Variants in ME1 observed in about 807,000 individuals in gnomAD.
ME1 encodes the protein malic enzyme 1, also known as NADP-dependent malic enzyme.
In ME1, 74 loss-of-function variants were observed where a neutral mutation model predicts 66.4. The ratio of observed to expected loss-of-function variants is 1.11; its 90% CI spans 0.92 to 1.35. The LOEUF (loss-of-function observed/expected upper bound fraction) is 1.35, where lower values mean the gene tolerates loss of function less well. Ranked by LOEUF, ME1 falls within the 40% of genes most tolerant of loss-of-function variation. The pLI, the probability that ME1 is intolerant of heterozygous loss-of-function variation, is 0.00. For missense variants in ME1, 750 were observed against 694.1 expected, an observed-to-expected ratio of 1.08 and a Z score of -0.90; for synonymous variants, 251 against 235.6, an observed-to-expected ratio of 1.07 and a Z score of -0.60.
intron 2 of ME1, among the ~76,000 whole-genome samples, chr6:83,404,932 A>G (rs1769910418): frequency 6.6e-6 from 1 of 152,210 alleles, no homozygotes; most frequent in Admixed American, 6.5e-5. Flanking sequence ...GTTTGAAGTC[A>G]GGTAGCATGA....
intron 6 of ME1, among the ~76,000 whole-genome samples, chr6:83,312,338 C>T (rs574809137): frequency 8.7e-4 from 132 of 152,318 alleles, no homozygotes; most frequent in African/African-American, 3.1e-3. Context: ...AATAGGTCCA[C>T]TGTCACCACA....
At chr6:83,272,840 T>G (rs1767109981) in intron 6 of ME1, among the ~76,000 whole-genome samples, 2 of 152,176 alleles carry the variant, frequency 1.3e-5, no homozygotes, top group South Asian at 2.1e-4. Flanking sequence ...AATCTTTACA[T>G]GTAAACTAAT....
chr6:83,409,599 G>A (rs1330482734), intron 1 of ME1, among the ~76,000 whole-genome samples: 1 of 152,176 alleles, frequency 6.6e-6, no homozygotes, highest in African/African-American at 2.4e-5. Context: ...CTGATGGAAA[G>A]GTTTGTGTTT....
At chr6:83,270,902 AATAAC>A (rs1282223762) in intron 6 of ME1, among the ~76,000 whole-genome samples, 2 of 151,992 alleles carry the variant, frequency 1.3e-5, no homozygotes, top group Non-Finnish European at 2.9e-5. Flanking sequence ...CACACTAATA[AATAAC>A]ATAAGAATGT....
chr6:83,407,836 G>A lies in ME1; in HGVS notation c.144C>T (p.Phe48=). The A allele has an allele frequency of 6.2e-7, 1 of 1,613,402 alleles. No individual in the cohort carries two copies. The highest frequency in any genetic ancestry group is 1.1e-5 in the South Asian group (1 of 90,924). The change falls in exon 2 of 14, where the codon TTC becomes TTT. Residue 48 remains phenylalanine (F), a synonymous_variant. Coordinates refer to ENST00000369705, the MANE Select transcript of ME1 (RefSeq NM_002395.6). The stretch of plus-strand genomic sequence containing the variant: ...TAAGAACCTGGATCTCCTGACTGTT[G>A]AAGGAAGGTGGCAACAATCCATGAA... ...LNIHGLLPPS[F]NSQEIQVLRV... is the part of the protein sequence containing the mutation.
At chr6:83,263,899 A>G (rs1216411561) in intron 6 of ME1, among the ~76,000 whole-genome samples, 1 of 152,180 alleles carries the variant, frequency 6.6e-6, no homozygotes, top group Non-Finnish European at 1.5e-5. Flanking sequence ...TATCCAGAAG[A>G]TCTACCTAAG....
Position 83,253,745 on chromosome 6 carries a change from G to A in ME1, c.705-7C>T. 7.0e-7 allele frequency: 1 copy of A among 1,434,854 alleles called. No individual in the cohort carries two copies. The highest frequency in any genetic ancestry group is 9.8e-7 in the Non-Finnish European group (1 of 1,021,700). The allele number at this position is 1,434,854 out of a possible 1,614,324, so 88.9% of individuals were successfully genotyped here. On this transcript the variant is annotated splice_region_variant and splice_polypyrimidine_tract_variant and intron_variant, in intron 6 of 13. Coordinates refer to ENST00000369705, the MANE Select transcript of ME1 (RefSeq NM_002395.6). ...AAGGCAATTCATGCCATACCTATGG[G>A]ACAAAAACATTCATATTAGAAGAGG... is the stretch of plus-strand genomic sequence containing the variant.
chr6:83,320,590 A>C (rs1311794966), intron 5 of ME1, among the ~76,000 whole-genome samples: 1 of 152,232 alleles, frequency 6.6e-6, no homozygotes. Context: ...CTGAAGTTGA[A>C]GTGCCAATGT....
rs1491252609 is a variant in ME1, at chr6:83,349,007, AAC to A, written c.439-2675_439-2674del. On this transcript the variant is annotated intron_variant, in intron 4 of 13. Transcript: ENST00000369705. ...CTCAAAAAAAAAAAAAAAAACAAAAAACAAAAAACAGTGCATTCTTTCTTATT... is the reference window on the plus strand; with the variant it reads ...CTCAAAAAAAAAAAAAAAAACAAAAAAAAAAACAGTGCATTCTTTCTTATT... Among the ~76,000 whole-genome samples, 54 of 147,900 alleles carry A rather than the reference AAC, an allele frequency of 3.7e-4. 2 individuals are homozygous for A. Among genetic ancestry groups the A allele is most frequent in the African/African-American group, 1.0e-3 (41 of 39,666 alleles).
intron 5 of ME1, among the ~76,000 whole-genome samples, chr6:83,320,738 A>G (rs1408507659): frequency 2.0e-5 from 3 of 152,166 alleles, no homozygotes; most frequent in Admixed American, 6.5e-5. Flanking sequence ...CTCCTTTCCC[A>G]TGTTAATAAT....
At chr6:83,427,818 G>A (rs1310549714) in intron 1 of ME1, among the ~76,000 whole-genome samples, 1 of 152,100 alleles carries the variant, frequency 6.6e-6, no homozygotes, top group African/African-American at 2.4e-5. Flanking sequence ...TTTGAGACCA[G>A]CGTGGCCAAC....
At chr6:83,372,282 A>T (rs950944738) in intron 3 of ME1, among the ~76,000 whole-genome samples, 1 of 152,212 alleles carries the variant, frequency 6.6e-6, no homozygotes, top group Non-Finnish European at 1.5e-5. Flanking sequence ...AATTCTTAAG[A>T]ACTATCAGCT....
intron 3 of ME1, among the ~76,000 whole-genome samples, chr6:83,392,021 C>G (rs1769631782): frequency 6.6e-6 from 1 of 152,224 alleles, no homozygotes; most frequent in African/African-American, 2.4e-5. Context: ...GTCTCTTCTT[C>G]TTTTGGAATA....
intron 6 of ME1, among the ~76,000 whole-genome samples, chr6:83,298,815 A>C (rs1767651895): frequency 6.6e-6 from 1 of 151,754 alleles, no homozygotes; most frequent in South Asian, 2.1e-4. Context: ...CTATTTATTA[A>C]ATAGGGAATC....
At chr6:83,329,119 T>C (rs1277636513) in intron 5 of ME1, among the ~76,000 whole-genome samples, 1 of 152,174 alleles carries the variant, frequency 6.6e-6, no homozygotes, top group African/African-American at 2.4e-5. Flanking sequence ...TTAAAAATAT[T>C]ATCTTAATAT....
At chr6:83,362,635 T>TG (rs929560450) in intron 3 of ME1, among the ~76,000 whole-genome samples, 2 of 152,188 alleles carry the variant, frequency 1.3e-5, no homozygotes, top group African/African-American at 2.4e-5. Flanking sequence ...TGCCATTCCT[T>TG]GGGGTGATCA....
intron 3 of ME1, among the ~76,000 whole-genome samples, chr6:83,353,500 T>C (rs1768836947): frequency 6.6e-6 from 1 of 152,156 alleles, no homozygotes; most frequent in Non-Finnish European, 1.5e-5. Flanking sequence ...GTTTTTAAAT[T>C]AAAAAGCTGG....
intron 7 of ME1, among the ~76,000 whole-genome samples, chr6:83,251,053 T>C (rs765362082): frequency 6.6e-5 from 10 of 152,228 alleles, no homozygotes; most frequent in Non-Finnish European, 1.5e-4. Context: ...ACATATTACA[T>C]TGATTTGTTC....
chr6:83,218,984 G>A (rs1301170038), intron 12 of ME1, among the ~76,000 whole-genome samples: 3 of 152,150 alleles, frequency 2.0e-5, no homozygotes, highest in Non-Finnish European at 4.4e-5. Flanking sequence ...TGTATTCTCA[G>A]CACTCAGAAT....
Sources: allele counts gnomAD v4.1 joint callset (sites outside exome capture counted in the v4.1 genomes callset), GRCh38; gene constraint gnomAD v4.1.1; transcripts MANE v1.5; gene names NCBI Gene and HGNC (gene_info 2026-07-23, HGNC 2026-07-21).